The following BRCA2 variants were observed in gnomAD, a reference collection of about 807,000 sequenced individuals.
BRCA2 encodes the protein BRCA2 DNA repair associated.
In BRCA2, 203 loss-of-function variants were observed where a neutral mutation model predicts 276.7. That is an observed-to-expected ratio of 0.73 (90% CI 0.65 to 0.82). The LOEUF is 0.82. Ranked by LOEUF, BRCA2 falls within the 40% of genes least tolerant of loss-of-function variation. The pLI is 0.00. For missense variants in BRCA2, 3,920 were observed against 3,915.0 expected, an observed-to-expected ratio of 1.00 and a Z score of -0.03; for synonymous variants, 1,289 against 1,338.4, an observed-to-expected ratio of 0.96 and a Z score of 0.81.
Position 32,355,805 on chromosome 13 carries a change from G to A in BRCA2, c.7435+517G>A, listed in dbSNP as rs527611426. The stretch of plus-strand genomic sequence containing the variant: ...TGAGGCAGGAGAATCGTTTGAACCC[G>A]GGAGGCAGAGGTTGCAGTGAGCCGA... On this transcript the variant is annotated intron_variant, in intron 14 of 26. Coordinates refer to ENST00000380152, the MANE Select transcript of BRCA2 (RefSeq NM_000059.4). 6.8e-4 allele frequency among the ~76,000 whole-genome samples: 104 copies of A among 151,956 alleles called. 1 individual carries two copies. Among genetic ancestry groups the A allele is most frequent in the Non-Finnish European group, 1.2e-3 (79 of 67,964 alleles).
intron 16 of BRCA2, among the ~76,000 whole-genome samples, chr13:32,358,343 G>A (rs2072715477): frequency 6.6e-6 from 1 of 151,658 alleles, no homozygotes; most frequent in East Asian, 2.0e-4. Flanking sequence ...GGGCGTGGTG[G>A]CAGGCACCTG....
intron 24 of BRCA2, among the ~76,000 whole-genome samples, chr13:32,383,383 G>A (rs1203866675): frequency 6.6e-6 from 1 of 152,090 alleles, no homozygotes; most frequent in East Asian, 1.9e-4. Flanking sequence ...GGGTGTTGAA[G>A]GTTTGAGAGA....
chr13:32,347,258 T>C (rs546538553), intron 13 of BRCA2, among the ~76,000 whole-genome samples: 31 of 152,272 alleles, frequency 2.0e-4, no homozygotes, highest in African/African-American at 6.3e-4. Context: ...ATAGTTTTTT[T>C]AATGTATAAT....
In BRCA2 at chr13:32,342,214, A is replaced by G. The variant is rs968854307; in HGVS notation, c.6841+1018A>G. Reference sequence around the variant, plus strand: ...CCTGAACCTGGGAGGTGGAGGGTGCAGTGAGCTGACATCACACCACTGCTC... The same window carrying G: ...CCTGAACCTGGGAGGTGGAGGGTGCGGTGAGCTGACATCACACCACTGCTC... On this transcript the variant is annotated intron_variant, in intron 11 of 26. Coordinates refer to ENST00000380152, the MANE Select transcript of BRCA2 (RefSeq NM_000059.4). Among the ~76,000 whole-genome samples the G allele has an allele frequency of 2.0e-5, 3 of 150,738 alleles. No homozygotes were observed. The Admixed American group carries it at 2.0e-4, about 10-fold the overall frequency.
At chr13:32,380,789 C>G (rs2072919998) in intron 24 of BRCA2, among the ~76,000 whole-genome samples, 1 of 151,960 alleles carries the variant, frequency 6.6e-6, no homozygotes, top group South Asian at 2.1e-4. Flanking sequence ...ATCTACCAGC[C>G]TCGGCCTCCC....
chr13:32,375,088 G>C (rs1423639429), intron 20 of BRCA2, among the ~76,000 whole-genome samples: 2 of 152,200 alleles, frequency 1.3e-5, no homozygotes, highest in Non-Finnish European at 2.9e-5. Context: ...TAAGCCATCA[G>C]ATCTTGTGAG....
chr13:32,337,173 C>G lies in BRCA2; in HGVS notation c.2818C>G (p.Gln940Glu), dbSNP rs80358532. Residue 940 changes from glutamine to glutamate, a missense_variant, in exon 11 of 27, where the codon CAA becomes GAA. Gln to Glu is a conservative substitution (Grantham distance 29, BLOSUM62 2). Coordinates refer to ENST00000380152, the MANE Select transcript of BRCA2 (RefSeq NM_000059.4). ...AGACACAGGTGATAAACAAGCAACC[C>G]AAGTGTCAATTAAAAAAGATTTGGT... is the stretch of plus-strand genomic sequence containing the variant. ...YGDTGDKQAT[Q>E]VSIKKDLVYV... 6.2e-7 allele frequency: 1 copy of G among 1,613,580 alleles called. No individual in the cohort carries two copies. The highest frequency in any genetic ancestry group is 8.5e-7 in the Non-Finnish European group (1 of 1,179,812).
Position 32,370,382 on chromosome 13 carries a change from A to G in BRCA2, c.8332-20A>G, listed in dbSNP as rs2137596192. On this transcript the variant is annotated intron_variant, in intron 18 of 26. Coordinates refer to ENST00000380152, the MANE Select transcript of BRCA2 (RefSeq NM_000059.4). ...ATACATATTTAACTACTAAATCAAT[A>G]TATTTATTAATTTGTCCAGATTTCT... The G allele has an allele frequency of 1.9e-6, 3 of 1,605,298 alleles. No individual in the cohort carries two copies. The highest frequency in any genetic ancestry group is 2.6e-6 in the Non-Finnish European group (3 of 1,172,174).
intron 18 of BRCA2, among the ~76,000 whole-genome samples, chr13:32,366,101 C>G (rs1430368461): frequency 6.6e-6 from 1 of 151,920 alleles, no homozygotes; most frequent in African/African-American, 2.4e-5. Flanking sequence ...AAAGCAATTC[C>G]TAAAAATTTA....
At chr13:32,334,598 C>T (rs1250802678) in intron 10 of BRCA2, among the ~76,000 whole-genome samples, 1 of 150,794 alleles carries the variant, frequency 6.6e-6, no homozygotes, top group South Asian at 2.1e-4. Flanking sequence ...CACTTGAGCC[C>T]AAGTGACTGA....
chr13:32,330,945 T>C lies in BRCA2; in HGVS notation c.708T>C (p.His236=), dbSNP rs185506536. 1.7e-5 allele frequency: 28 copies of C among 1,612,630 alleles called. No homozygotes were observed. Among genetic ancestry groups the C allele is most frequent in the East Asian group, 1.3e-4 (6 of 44,870 alleles). The change falls in exon 9 of 27, where the codon CAT becomes CAC. Residue 236 remains histidine (H), a synonymous_variant. Transcript: ENST00000380152. The stretch of plus-strand genomic sequence containing the variant: ...ATGTGAAAAGCTATTTTTCCAATCA[T>C]GATGAAAGTCTGAAGAAAAATGATA... The part of the protein sequence containing the change: ...TANVKSYFSN[H]DESLKKNDRF...
intron 3 of BRCA2, among the ~76,000 whole-genome samples, chr13:32,321,059 G>T (rs1365659208): frequency 6.6e-6 from 1 of 152,194 alleles, no homozygotes; most frequent in Admixed American, 6.5e-5. Flanking sequence ...ATAGAGACAA[G>T]TGCCTGAATT....
intron 14 of BRCA2, among the ~76,000 whole-genome samples, chr13:32,355,633 G>A (rs749760383): frequency 7.9e-5 from 12 of 152,042 alleles, no homozygotes; most frequent in Non-Finnish European, 1.8e-4. Context: ...AGACTAAGGC[G>A]GGCGGATCAC....
At position 32,341,091 on chromosome 13, in the gene BRCA2, C is replaced by A. The variant is rs1555284840; in HGVS notation, c.6736C>A (p.Pro2246Thr). 1 of 1,613,952 alleles carries A rather than the reference C, an allele frequency of 6.2e-7. No individual in the cohort carries two copies. Among genetic ancestry groups the A allele is most frequent in the Non-Finnish European group, 8.5e-7 (1 of 1,179,926 alleles). Reference sequence around the variant, plus strand: ...TGATGAACTGACAGATTCTAAACTGCCAAGTCATGCCACACATTCTCTTTT... The same window carrying A: ...TGATGAACTGACAGATTCTAAACTGACAAGTCATGCCACACATTCTCTTTT... ...EDDELTDSKL[P>T]SHATHSLFTC... Residue 2246 changes from proline to threonine, a missense_variant, in exon 11 of 27, where the codon CCA becomes ACA. Coordinates refer to ENST00000380152, the MANE Select transcript of BRCA2 (RefSeq NM_000059.4).
chr13:32,379,558 A>G (rs1294219670), intron 22 of BRCA2, 43 bp downstream of exon 22: 2 of 1,590,376 alleles, frequency 1.3e-6, no homozygotes, highest in African/African-American at 2.7e-5. Flanking sequence ...TTATTAACTT[A>G]AAAAATGACC....
At chr13:32,332,133 C>G (rs2072395926) in intron 9 of BRCA2, 139 bp from the exon 10 acceptor site, 1 of 825,936 alleles carries the variant, frequency 1.2e-6, no homozygotes, top group South Asian at 2.6e-5. Flanking sequence ...ATGCCAAGTA[C>G]TCAGAATAAC....
Position 32,330,981 on chromosome 13 carries a change from T to G in BRCA2, c.744T>G (p.Ala248=), listed in dbSNP as rs756883537. 1 of 1,613,874 alleles carries G rather than the reference T, an allele frequency of 6.2e-7. No homozygotes were observed. Among genetic ancestry groups the G allele is most frequent in the Non-Finnish European group, 8.5e-7 (1 of 1,179,796 alleles). ...ESLKKNDRFI[A]SVTDSENTNQ... ...TGAAGAAAAATGATAGATTTATCGC[T>G]TCTGTGACAGACAGTGAAAACACAA... The change falls in exon 9 of 27, where the codon GCT becomes GCG. Residue 248 remains alanine, a synonymous_variant. Transcript: ENST00000380152.
At chr13:32,357,287 A>C (rs1040781339) in intron 15 of BRCA2, among the ~76,000 whole-genome samples, 2 of 152,228 alleles carry the variant, frequency 1.3e-5, no homozygotes, top group African/African-American at 4.8e-5. Flanking sequence ...CAAACTCTGA[A>C]CAAACAAAAA....
intron 24 of BRCA2, among the ~76,000 whole-genome samples, chr13:32,382,690 A>G (rs1273467094): frequency 6.6e-6 from 1 of 152,214 alleles, no homozygotes; most frequent in Admixed American, 6.5e-5. Context: ...GAAATGAATC[A>G]GTAGCCAGAA....
Sources: gnomAD v4.1 joint callset for allele counts (sites outside exome capture counted in the v4.1 genomes callset) on GRCh38, gnomAD v4.1.1 for gene constraint, MANE v1.5 for transcripts, NCBI Gene and HGNC (gene_info 2026-07-23, HGNC 2026-07-21) for gene names.